The following SLC35F3 variants were observed in gnomAD, a reference collection of about 807,000 sequenced individuals.
The protein encoded by SLC35F3 is putative thiamine transporter SLC35F3.
A neutral mutation model predicts 49.9 loss-of-function variants in SLC35F3; 25 were observed. That is an observed-to-expected ratio of 0.50 (90% CI 0.37 to 0.70). The LOEUF is 0.70. SLC35F3 is among the 30% of genes least tolerant of loss of function. SLC35F3 has a pLI of 0.00. For missense variants in SLC35F3, 525 were observed against 639.8 expected, an observed-to-expected ratio of 0.82 and a Z score of 1.94; for synonymous variants, 275 against 265.4, an observed-to-expected ratio of 1.04 and a Z score of -0.35.
chr1:234,066,732 TC>T (rs897483662), intron 2 of SLC35F3, among the ~76,000 whole-genome samples: 4 of 150,150 alleles, frequency 2.7e-5, no homozygotes, highest in African/African-American at 9.8e-5. Flanking sequence ...TTTCCCTCCC[TC>T]CCTTTCTCTC....
At chr1:234,128,230 G>A (rs1269466391) in intron 2 of SLC35F3, among the ~76,000 whole-genome samples, 1 of 149,340 alleles carries the variant, frequency 6.7e-6, no homozygotes, top group East Asian at 1.9e-4. Context: ...GAGCTAGTGT[G>A]TCTGGGGCAT....
intron 2 of SLC35F3, 144 bp downstream of exon 2, chr1:233,905,902 G>C (rs1356802543): frequency 2.7e-6 from 2 of 732,994 alleles, no homozygotes; most frequent in Admixed American, 5.7e-5. Context: ...TTGCAACTTC[G>C]AGGAAGAGGC....
At chr1:234,261,479 G>C (rs942016491) in intron 3 of SLC35F3, among the ~76,000 whole-genome samples, 1 of 152,186 alleles carries the variant, frequency 6.6e-6, no homozygotes, top group Non-Finnish European at 1.5e-5. Flanking sequence ...GTGCTGGTGG[G>C]AGTGTCTTTT....
intron 2 of SLC35F3, among the ~76,000 whole-genome samples, chr1:234,135,516 T>C (rs545081226): frequency 2.0e-5 from 3 of 152,314 alleles, no homozygotes; most frequent in African/African-American, 7.2e-5. Context: ...GGACCCAGCA[T>C]ATATGGTCAT....
intron 2 of SLC35F3, among the ~76,000 whole-genome samples, chr1:234,134,093 T>A (rs955847833): frequency 1.3e-5 from 2 of 152,202 alleles, no homozygotes; most frequent in African/African-American, 4.8e-5. Context: ...TGGAGAGCTT[T>A]AAATGCCATC....
At chr1:233,975,132 C>CAGGCT (rs58020624) in intron 2 of SLC35F3, among the ~76,000 whole-genome samples, 1 of 152,250 alleles carries the variant, frequency 6.6e-6, no homozygotes, top group Non-Finnish European at 1.5e-5. Flanking sequence ...GAAGTCAGGC[C>CAGGCT]TGCGGCCTAG....
chr1:233,911,778 G>T (rs1204660414), intron 2 of SLC35F3, among the ~76,000 whole-genome samples: 2 of 152,186 alleles, frequency 1.3e-5, no homozygotes, highest in African/African-American at 4.8e-5. Context: ...ACTAGAGCAG[G>T]TGAAATCTGA....
chr1:233,921,714 A>T (rs1340003552), intron 2 of SLC35F3, among the ~76,000 whole-genome samples: 2 of 152,112 alleles, frequency 1.3e-5, no homozygotes, highest in African/African-American at 2.4e-5. Flanking sequence ...CAGGTATGTT[A>T]CATATGTATA....
chr1:234,099,980 C>T (rs1665189956), intron 2 of SLC35F3, among the ~76,000 whole-genome samples: 1 of 152,144 alleles, frequency 6.6e-6, no homozygotes, highest in Non-Finnish European at 1.5e-5. Flanking sequence ...ATAACAATTG[C>T]TTTATATAAT....
chr1:233,939,157 G>A (rs1191637995), intron 2 of SLC35F3, among the ~76,000 whole-genome samples: 1 of 152,156 alleles, frequency 6.6e-6, no homozygotes, highest in Non-Finnish European at 1.5e-5. Context: ...TACTGGTATA[G>A]TTAAGTATTG....
chr1:234,116,554 C>T (rs888065179), intron 2 of SLC35F3, among the ~76,000 whole-genome samples: 10 of 149,802 alleles, frequency 6.7e-5, no homozygotes. Context: ...CTCTGTTGCC[C>T]AGGCTGGAGT....
chr1:234,091,349 G>A (rs1037213061), intron 2 of SLC35F3, among the ~76,000 whole-genome samples: 2 of 152,156 alleles, frequency 1.3e-5, no homozygotes, highest in African/African-American at 4.8e-5. Flanking sequence ...CTTTCTTCCT[G>A]TAGGTTTTCT....
intron 2 of SLC35F3, among the ~76,000 whole-genome samples, chr1:234,065,076 T>C (rs1664597824): frequency 6.6e-6 from 1 of 152,150 alleles, no homozygotes; most frequent in Non-Finnish European, 1.5e-5. Context: ...GTTTTTACTG[T>C]ATGCTTACAG....
intron 2 of SLC35F3, among the ~76,000 whole-genome samples, chr1:234,140,002 A>AATAAAAAAAATAAAATAAAAAAAAAT: frequency 9.5e-6 from 1 of 105,368 alleles, no homozygotes; most frequent in Non-Finnish European, 2.4e-5. Flanking sequence ...AATAAAATAA[A>AATAAAAAAAATAAAATAAAAAAAAAT]GTAAGTGACT....
At chr1:234,270,389 C>T (rs772072666) in intron 3 of SLC35F3, among the ~76,000 whole-genome samples, 1 of 152,180 alleles carries the variant, frequency 6.6e-6, no homozygotes, top group Non-Finnish European at 1.5e-5. Context: ...AAGAAATTCT[C>T]AGGTTATCTT....
At chr1:234,060,054 G>T (rs147598914) in intron 2 of SLC35F3, among the ~76,000 whole-genome samples, 1 of 152,122 alleles carries the variant, frequency 6.6e-6, no homozygotes, top group Non-Finnish European at 1.5e-5. Flanking sequence ...AGTATTAACC[G>T]TCACAGATCC....
chr1:233,914,753 A>G (rs1339636507), intron 2 of SLC35F3, among the ~76,000 whole-genome samples: 7 of 152,068 alleles, frequency 4.6e-5, no homozygotes, highest in East Asian at 1.9e-4. Context: ...AGGATGAACC[A>G]TATTTCTTTT....
intron 2 of SLC35F3, among the ~76,000 whole-genome samples, chr1:234,112,929 G>A (rs964156796): frequency 4.6e-5 from 7 of 151,248 alleles, no homozygotes; most frequent in Non-Finnish European, 1.0e-4. Context: ...TTGAGGCTGG[G>A]CATGGTGGCA....
chr1:233,928,839 T>C (rs996877866), intron 2 of SLC35F3, among the ~76,000 whole-genome samples: 1 of 152,202 alleles, frequency 6.6e-6, no homozygotes, highest in African/African-American at 2.4e-5. Flanking sequence ...TGTTACTGTG[T>C]AATGCTTCCT....
Sources: gnomAD v4.1 joint callset for allele counts (sites outside exome capture counted in the v4.1 genomes callset) on GRCh38, gnomAD v4.1.1 for gene constraint, MANE v1.5 for transcripts, NCBI Gene and HGNC (gene_info 2026-07-23, HGNC 2026-07-21) for gene names.